The following CSMD1 variants were observed in gnomAD, a reference collection of about 807,000 sequenced individuals.
The protein encoded by CSMD1 is CUB and sushi domain-containing protein 1.
CSMD1 carries 213 observed loss-of-function variants against 417.5 expected under a neutral mutation model. That is an observed-to-expected ratio of 0.51 (90% CI 0.46 to 0.57). CSMD1 has a LOEUF of 0.57. Among genes scored for constraint, CSMD1 ranks in the 20% least tolerant of loss-of-function variants. The pLI is 0.00. For missense variants in CSMD1, 6,923 were observed against 4,529.7 expected (o/e 1.53, Z -15.17); for synonymous variants, 2,862 against 1,736.8 (o/e 1.65, Z -16.11).
chr8:3,377,410 T>C (rs1182126231), intron 18 of CSMD1, among the ~76,000 whole-genome samples: 1 of 152,184 alleles, frequency 6.6e-6, no homozygotes, highest in Non-Finnish European at 1.5e-5. Flanking sequence ...GGTTTAAATC[T>C]CAAATTTACA....
intron 10 of CSMD1, among the ~76,000 whole-genome samples, chr8:3,503,790 G>GC (rs1224513117): frequency 3.3e-5 from 5 of 151,710 alleles, no homozygotes; most frequent in African/African-American, 4.8e-5. Flanking sequence ...CTAAAAAGCA[G>GC]CCCCCCTCTT....
chr8:3,234,864 T>C (rs1799058974), intron 26 of CSMD1, among the ~76,000 whole-genome samples: 2 of 152,228 alleles, frequency 1.3e-5, no homozygotes, highest in Non-Finnish European at 2.9e-5. Flanking sequence ...AATTCTTGAA[T>C]TTACTCTTTG....
chr8:4,067,165 G>A (rs899878564), intron 3 of CSMD1, among the ~76,000 whole-genome samples: 1 of 152,214 alleles, frequency 6.6e-6, no homozygotes, highest in Non-Finnish European at 1.5e-5. Context: ...AAGGATGAAA[G>A]ATACTGGGTG....
At chr8:4,849,826 C>G (rs1362580649) in intron 1 of CSMD1, among the ~76,000 whole-genome samples, 4 of 152,116 alleles carry the variant, frequency 2.6e-5, no homozygotes, top group Admixed American at 6.5e-5. Flanking sequence ...AAGCATTTCT[C>G]AGAATATTTC....
intron 20 of CSMD1, among the ~76,000 whole-genome samples, chr8:3,362,195 T>A (rs1585053375): frequency 6.6e-6 from 1 of 152,162 alleles, no homozygotes; most frequent in African/African-American, 2.4e-5. Flanking sequence ...TCTCTGGACT[T>A]CACAGTCACC....
chr8:4,038,010 C>T (rs1021348001), intron 3 of CSMD1, among the ~76,000 whole-genome samples: 2 of 151,946 alleles, frequency 1.3e-5, no homozygotes, highest in Non-Finnish European at 2.9e-5. Flanking sequence ...TCACTTTATT[C>T]CCACACTTGG....
At chr8:3,765,491 G>C (rs1798215474) in intron 5 of CSMD1, among the ~76,000 whole-genome samples, 1 of 152,222 alleles carries the variant, frequency 6.6e-6, no homozygotes, top group South Asian at 2.1e-4. Context: ...TGCACTCTGA[G>C]CCCACTGAGG....
intron 1 of CSMD1, among the ~76,000 whole-genome samples, chr8:4,794,095 A>G (rs558215899): frequency 6.6e-6 from 1 of 152,320 alleles, no homozygotes; most frequent in South Asian, 2.1e-4. Flanking sequence ...ACTTCTGGAG[A>G]TAAGTCAGAT....
At chr8:3,808,234 A>G (rs968433389) in intron 5 of CSMD1, among the ~76,000 whole-genome samples, 2 of 152,208 alleles carry the variant, frequency 1.3e-5, no homozygotes, top group Non-Finnish European at 2.9e-5. Flanking sequence ...GAGATATACT[A>G]CAAAATTCAC....
chr8:3,773,245 G>C (rs979036354), intron 5 of CSMD1, among the ~76,000 whole-genome samples: 2 of 152,196 alleles, frequency 1.3e-5, no homozygotes, highest in East Asian at 1.9e-4. Flanking sequence ...AAACTAGCTT[G>C]TGTTTTAGAT....
chr8:3,136,368 G>A (rs572856650), intron 41 of CSMD1, among the ~76,000 whole-genome samples: 9 of 151,256 alleles, frequency 6.0e-5, no homozygotes, highest in East Asian at 3.9e-4. Context: ...AGGTTCAAGC[G>A]ATTCTCCTGC....
intron 37 of CSMD1, among the ~76,000 whole-genome samples, chr8:3,166,996 G>T (rs1413159855): frequency 1.3e-5 from 2 of 152,122 alleles, no homozygotes; most frequent in Non-Finnish European, 2.9e-5. Flanking sequence ...TTTAAAAGGT[G>T]GTTCACAGGG....
intron 9 of CSMD1, among the ~76,000 whole-genome samples, chr8:3,579,919 C>A (rs1434821219): frequency 1.3e-5 from 2 of 152,028 alleles, no homozygotes. Context: ...GCATGGCCAA[C>A]ATGGTGAAAC....
At chr8:2,989,702 T>C (rs1806213440) in intron 54 of CSMD1, among the ~76,000 whole-genome samples, 1 of 152,204 alleles carries the variant, frequency 6.6e-6, no homozygotes, top group Admixed American at 6.5e-5. Context: ...TTTTAATTTC[T>C]TCTTCTCTTC....
chr8:4,479,952 C>A (rs1173811467), intron 2 of CSMD1, among the ~76,000 whole-genome samples: 1 of 142,366 alleles, frequency 7.0e-6, no homozygotes, highest in African/African-American at 2.7e-5. Flanking sequence ...GGTGACACAG[C>A]AAGTCTCTGT....
intron 10 of CSMD1, among the ~76,000 whole-genome samples, chr8:3,523,625 G>A (rs1158310504): frequency 1.3e-5 from 2 of 150,370 alleles, no homozygotes; most frequent in African/African-American, 2.5e-5. Flanking sequence ...ACACATGCAT[G>A]CACACCGAGA....
chr8:3,749,479 A>C (rs1044974604), intron 6 of CSMD1, among the ~76,000 whole-genome samples: 2 of 152,224 alleles, frequency 1.3e-5, no homozygotes, highest in Non-Finnish European at 2.9e-5. Context: ...TCAAAGAAGA[A>C]AGTGTAAGAC....
At chr8:3,252,553 G>A (rs1015097432) in intron 26 of CSMD1, among the ~76,000 whole-genome samples, 1 of 152,130 alleles carries the variant, frequency 6.6e-6, no homozygotes, top group Non-Finnish European at 1.5e-5. Context: ...CCAGGCTTTG[G>A]TATCAGGATG....
intron 26 of CSMD1, among the ~76,000 whole-genome samples, chr8:3,277,019 T>G (rs1294939186): frequency 6.6e-6 from 1 of 152,086 alleles, no homozygotes; most frequent in Non-Finnish European, 1.5e-5. Flanking sequence ...TAAAGAAACC[T>G]TTGAATGTGA....
Sources: gnomAD v4.1 joint callset for allele counts (sites outside exome capture counted in the v4.1 genomes callset) on GRCh38, gnomAD v4.1.1 for gene constraint, MANE v1.5 for transcripts, NCBI Gene and HGNC (gene_info 2026-07-23, HGNC 2026-07-21) for gene names.